SULT1E1: variants seen among roughly 807,000 people sequenced by gnomAD.
SULT1E1 encodes sulfotransferase 1E1.
SULT1E1 carries 36 observed loss-of-function variants against 33.6 expected under a neutral mutation model. The observed-to-expected ratio is 1.07, with a 90% CI of 0.82 to 1.41. The LOEUF (loss-of-function observed/expected upper bound fraction) is 1.41, where lower values mean the gene tolerates loss of function less well. Among genes scored for constraint, SULT1E1 ranks in the 40% most tolerant of loss-of-function variants. The pLI is 0.00. For synonymous variants in SULT1E1, 121 were observed against 111.7 expected (o/e 1.08, Z -0.53); for missense variants, 371 against 345.7 (o/e 1.07, Z -0.58).
At chr4:69,832,449 A>G in the SULT1E1 span, among the ~76,000 whole-genome samples, 1 of 152,202 alleles carries the variant, frequency 6.6e-6, no homozygotes, top group Non-Finnish European at 1.5e-5. Flanking sequence ...GCACTCAGAC[A>G]CAGCAGACTC....
At chr4:69,848,087 G>GCC in intron 5 of SULT1E1, among the ~76,000 whole-genome samples, 1 of 148,262 alleles carries the variant, frequency 6.7e-6, no homozygotes, top group Non-Finnish European at 1.5e-5. Context: ...TGTTGAAACT[G>GCC]GTGTGTGTGT....
intron 6 of SULT1E1, among the ~76,000 whole-genome samples, chr4:69,844,726 T>C (rs1211477569): frequency 6.6e-6 from 1 of 152,102 alleles, no homozygotes; most frequent in Admixed American, 6.6e-5. Flanking sequence ...TTCTCCTAAT[T>C]TATTGGTGTA....
intron 1 of SULT1E1, among the ~76,000 whole-genome samples, chr4:69,858,984 G>A (rs1166474950): frequency 6.6e-6 from 1 of 151,986 alleles, no homozygotes; most frequent in African/African-American, 2.4e-5. Context: ...GGTCTGAGAG[G>A]CAAAGTAGGT....
intron 5 of SULT1E1, 71 bp downstream of exon 5, chr4:69,849,365 AC>A (rs924285763): frequency 6.4e-7 from 1 of 1,558,064 alleles, no homozygotes; most frequent in African/African-American, 1.4e-5. Context: ...ACAGTTAAAA[AC>A]TTTTACTTGG....
At position 69,849,460 on chromosome 4, in the gene SULT1E1, A is replaced by G; in HGVS notation, c.473T>C (p.Val158Ala). 2 of 1,611,788 alleles carry G rather than the reference A, an allele frequency of 1.2e-6. No individual in the cohort carries two copies. The highest frequency in any genetic ancestry group is 1.1e-5 in the South Asian group (1 of 91,014). ...ACCCTGTCCTTGCATGAATTTCTCCACAAACTCTGGAAAGGATCCAGGATT... is the reference window on the plus strand; with the variant it reads ...ACCCTGTCCTTGCATGAATTTCTCCGCAAACTCTGGAAAGGATCCAGGATT... The part of the protein sequence containing the change: ...HPNPGSFPEF[V>A]EKFMQGQVPY... The change falls in exon 5 of 8, where the codon GTG becomes GCG. Residue 158 changes from valine (V) to alanine (A), a missense_variant. Transcript: ENST00000226444.
At chr4:69,822,896 C>A in the SULT1E1 span, among the ~76,000 whole-genome samples, 1 of 152,112 alleles carries the variant, frequency 6.6e-6, no homozygotes, top group South Asian at 2.1e-4. Flanking sequence ...AATGGTCCTG[C>A]AAAATTAATG....
intron 2 of SULT1E1, among the ~76,000 whole-genome samples, chr4:69,856,588 G>A (rs796418155): frequency 6.6e-6 from 1 of 152,284 alleles, no homozygotes; most frequent in African/African-American, 2.4e-5. Flanking sequence ...CTGGTATTGT[G>A]CTGCCATTTA....
intron 7 of SULT1E1, among the ~76,000 whole-genome samples, 163 bp downstream of exon 7, chr4:69,843,998 A>G (rs1371693332): frequency 6.6e-6 from 1 of 152,198 alleles, no homozygotes; most frequent in Non-Finnish European, 1.5e-5. Flanking sequence ...GGTAATTGCA[A>G]TGTAATAGAA....
At chr4:69,839,227 G>T (rs1165694193), downstream of SULT1E1, among the ~76,000 whole-genome samples, 1 of 152,162 alleles carries the variant, frequency 6.6e-6, no homozygotes, top group Non-Finnish European at 1.5e-5. Context: ...CCAGAAGTTT[G>T]TTTGGCTTAG....
At chr4:69,848,063 G>A (rs770707322) in intron 5 of SULT1E1, among the ~76,000 whole-genome samples, 1 of 148,786 alleles carries the variant, frequency 6.7e-6, no homozygotes, top group Non-Finnish European at 1.5e-5. Flanking sequence ...TTGATTTAAA[G>A]CTTATGAGAA....
chr4:69,856,395 A>C (rs967996590), intron 2 of SULT1E1, among the ~76,000 whole-genome samples: 2 of 152,222 alleles, frequency 1.3e-5, no homozygotes, highest in Non-Finnish European at 2.9e-5. Context: ...CTCTAGTGCC[A>C]GAATAAACAC....
intron 6 of SULT1E1, among the ~76,000 whole-genome samples, chr4:69,846,491 A>G (rs2110067264): frequency 6.6e-6 from 1 of 151,422 alleles, no homozygotes; most frequent in African/African-American, 2.4e-5. Context: ...TTGTAATACA[A>G]TAAAATACAT....
chr4:69,833,674 G>A, the SULT1E1 span, among the ~76,000 whole-genome samples: 1 of 152,082 alleles, frequency 6.6e-6, no homozygotes, highest in Non-Finnish European at 1.5e-5. Context: ...ATAATTTACT[G>A]AATATTAACC....
the SULT1E1 span, among the ~76,000 whole-genome samples, chr4:69,834,525 A>G: frequency 6.6e-6 from 1 of 152,134 alleles, no homozygotes; most frequent in Non-Finnish European, 1.5e-5. Context: ...GTCTTCTTTC[A>G]ATTGGATAAC....
At chr4:69,853,319 G>T (rs11573763) in intron 4 of SULT1E1, among the ~76,000 whole-genome samples, 5 of 151,996 alleles carry the variant, frequency 3.3e-5, no homozygotes, top group African/African-American at 4.8e-5. Context: ...AGTGTAAACC[G>T]TCAGCTTAAT....
the SULT1E1 span, among the ~76,000 whole-genome samples, chr4:69,821,665 G>A: frequency 3.3e-5 from 5 of 152,146 alleles, no homozygotes; most frequent in Admixed American, 2.0e-4. Context: ...ATCCTTAGCA[G>A]GATGCTCTCC....
At chr4:69,826,732 T>C in the SULT1E1 span, among the ~76,000 whole-genome samples, 3 of 152,076 alleles carry the variant, frequency 2.0e-5, no homozygotes, top group Admixed American at 6.6e-5. Context: ...CTGAGGGAAG[T>C]ATAAATTATA....
At chr4:69,842,985 C>T (rs997230162) in intron 7 of SULT1E1, among the ~76,000 whole-genome samples, 4 of 151,950 alleles carry the variant, frequency 2.6e-5, no homozygotes, top group South Asian at 2.1e-4. Flanking sequence ...TACAGGCGCC[C>T]GCCACCATGC....
At chr4:69,838,163 T>C (rs1274624139), downstream of SULT1E1, among the ~76,000 whole-genome samples, 1 of 152,182 alleles carries the variant, frequency 6.6e-6, no homozygotes, top group Non-Finnish European at 1.5e-5. Flanking sequence ...GGTCCTCTGT[T>C]TTCCCATCTT....
Sources: gnomAD v4.1 joint callset for allele counts (sites outside exome capture counted in the v4.1 genomes callset) on GRCh38, gnomAD v4.1.1 for gene constraint, MANE v1.5 for transcripts, NCBI Gene and HGNC (gene_info 2026-07-23, HGNC 2026-07-21) for gene names.